IFNAR2: variants seen among roughly 807,000 people sequenced by gnomAD.
IFNAR2 encodes the protein interferon alpha and beta receptor subunit 2.
Under a neutral mutation model 49.4 loss-of-function variants are expected in IFNAR2, and 30 were observed. The observed-to-expected ratio is 0.61, with a 90% CI of 0.45 to 0.82. The LOEUF (loss-of-function observed/expected upper bound fraction) is 0.82. Ranked by LOEUF, IFNAR2 falls within the 40% of genes least tolerant of loss-of-function variation. The pLI is 0.00. For synonymous variants in IFNAR2, 224 were observed against 234.5 expected, an observed-to-expected ratio of 0.96 and a Z score of 0.41; for missense variants, 600 against 622.7, an observed-to-expected ratio of 0.96 and a Z score of 0.39.
rs368509458 is a variant in IFNAR2 at position 33,230,973 on chromosome 21, ACT to A, written c.-84+760_-84+761del. ...TATTTGGTTAGCGATGGTTATATTG[ACT>A]CTGAGTATTCCCACCTCCTTTCTTT... is the stretch of plus-strand genomic sequence containing the variant. On this transcript the variant is annotated intron_variant, in intron 1 of 8. Coordinates refer to ENST00000342136, the MANE Select transcript of IFNAR2 (RefSeq NM_001289125.3). The surrounding 1 kb of genome is among the most constrained non-coding windows in gnomAD (Gnocchi z 5.5). 6.9e-4 allele frequency among the ~76,000 whole-genome samples: 105 copies of A among 151,482 alleles called. No homozygotes were observed. Among genetic ancestry groups the A allele is most frequent in the African/African-American group, 2.3e-3 (96 of 41,252 alleles).
At chr21:33,236,896 T>G (rs776809762) in intron 1 of IFNAR2, 19 of 985,016 alleles carry the variant, frequency 1.9e-5, no homozygotes, top group Non-Finnish European at 2.3e-5. Context: ...GGAAGACTGA[T>G]CTATTTGTAG....
Position 33,246,837 on chromosome 21 carries a change from G to A in IFNAR2, c.341G>A (p.Ser114Asn). ...TATGTCACCGTCCTAGAAGGATTCA[G>A]CGGGAACACAACGTTGTTCAGTTGC... ...EAYVTVLEGF[S>N]GNTTLFSCSH... Residue 114 changes from serine (S) to asparagine (N), a missense_variant, in exon 5 of 9, where the codon AGC becomes AAC. Ser to Asn is a conservative substitution (Grantham distance 46). Transcript: ENST00000342136. 1.9e-6 allele frequency: 3 copies of A among 1,614,246 alleles called. No individual in the cohort carries two copies. The highest frequency in any genetic ancestry group is 1.1e-5 in the South Asian group (1 of 91,090).
intron 1 of IFNAR2, among the ~76,000 whole-genome samples, chr21:33,240,887 G>A (rs775332810): frequency 5.4e-4 from 82 of 151,892 alleles, no homozygotes; most frequent in Non-Finnish European, 9.9e-4. Context: ...TCGTGTTTTT[G>A]CAGCAACATG....
At chr21:33,254,550 A>G (rs9975448) in intron 7 of IFNAR2, among the ~76,000 whole-genome samples, 105,927 of 151,458 alleles carry the variant, frequency 0.7, 37,488 homozygotes, top group African/African-American at 0.77. Flanking sequence ...TTTTAAGTCC[A>G]GTAAGAAACA....
chr21:33,234,911 C>T lies in IFNAR2; in HGVS notation c.-84+4695C>T, dbSNP rs144518641. 2.6e-3 allele frequency: 425 copies of T among 162,730 alleles called. 2 individuals carry two copies. Among genetic ancestry groups the T allele is most frequent in the Middle Eastern group, 0.025 (8 of 314 alleles). 10.1% of individuals were successfully genotyped at this position (162,730 alleles called of 1,614,324 possible). On this transcript the variant is annotated intron_variant, in intron 1 of 8. Transcript: ENST00000342136. ...ATAGGCAGAGCAGCAGCATGGGCTG[C>T]TCCACTAAGTATACTTATGGTTATT...
chr21:33,238,331 C>A (rs142635008), intron 1 of IFNAR2, among the ~76,000 whole-genome samples: 2 of 145,284 alleles, frequency 1.4e-5, no homozygotes, highest in African/African-American at 4.8e-5. Context: ...ATGGTAAATT[C>A]TTCTTACTCC....
At chr21:33,244,170 A>C (rs568600156) in intron 3 of IFNAR2, among the ~76,000 whole-genome samples, 3 of 152,174 alleles carry the variant, frequency 2.0e-5, no homozygotes, top group African/African-American at 7.2e-5. Flanking sequence ...ACCTTGTGCT[A>C]AGTGTTGGTT....
intron 7 of IFNAR2, among the ~76,000 whole-genome samples, chr21:33,257,465 G>A (rs1015330732): frequency 2.6e-5 from 4 of 152,152 alleles, no homozygotes; most frequent in Non-Finnish European, 5.9e-5. Flanking sequence ...GTCCCTTCCC[G>A]TGTTCGTTTC....
chr21:33,248,647 G>T, intron 5 of IFNAR2, 62 bp from the exon 6 acceptor site: 1 of 1,498,110 alleles, frequency 6.7e-7, no homozygotes, highest in South Asian at 1.4e-5. Context: ...AACCACTTTA[G>T]ACTTTGTGGG....
intron 5 of IFNAR2, among the ~76,000 whole-genome samples, chr21:33,248,426 A>G (rs1420009881): frequency 6.6e-6 from 1 of 152,134 alleles, no homozygotes. Flanking sequence ...GAGAAAAGAA[A>G]GAAAGAAATT....
chr21:33,252,530 T>C (rs1987927379), intron 6 of IFNAR2, 132 bp from the exon 7 acceptor site: 4 of 1,448,348 alleles, frequency 2.8e-6, no homozygotes, highest in East Asian at 5.0e-5. Flanking sequence ...AGATGACTTA[T>C]AAATCCTTTT....
At chr21:33,235,137 C>T (rs761795516) in intron 1 of IFNAR2, among the ~76,000 whole-genome samples, 1 of 152,192 alleles carries the variant, frequency 6.6e-6, no homozygotes, top group Non-Finnish European at 1.5e-5. Context: ...ATATGATAAG[C>T]AGTGAGGACA....
chr21:33,254,723 C>CA (rs1378483808), intron 7 of IFNAR2, among the ~76,000 whole-genome samples: 1 of 152,156 alleles, frequency 6.6e-6, no homozygotes, highest in Non-Finnish European at 1.5e-5. Flanking sequence ...GAAGCCCCCC[C>CA]ACTTCGAATT....
chr21:33,244,833 T>G (rs1987266722), intron 3 of IFNAR2, 118 bp from the exon 4 acceptor site: 2 of 886,124 alleles, frequency 2.3e-6, no homozygotes, highest in Admixed American at 2.1e-5. Context: ...ACACCAGGGC[T>G]CTCTGGAGAG....
chr21:33,252,671 G>T lies in IFNAR2; in HGVS notation c.550G>T (p.Glu184Ter). 6 of 1,612,978 alleles carry T rather than the reference G, an allele frequency of 3.7e-6. No individual in the cohort carries two copies. Among genetic ancestry groups the T allele is most frequent in the Non-Finnish European group, 5.1e-6 (6 of 1,179,660 alleles). Residue 184 changes from glutamate (E) to a stop codon, truncating the protein, a stop_gained, in exon 7 of 9, where the codon GAA (glutamate) becomes TAA (stop). Coordinates refer to ENST00000342136, the MANE Select transcript of IFNAR2 (RefSeq NM_001289125.3). LOFTEE classifies it high-confidence loss of function. ...SEGIVKKHKP[E>*]IKGNMSGNFT... ...TTGCTTATGTTTACAGCATAAACCC[G>T]AAATAAAAGGAAACATGAGTGGAAA... is the stretch of plus-strand genomic sequence containing the variant.
Position 33,230,518 on chromosome 21 carries a change from C to T in IFNAR2, c.-84+302C>T. 2 of 470,834 alleles carry T rather than the reference C, an allele frequency of 4.2e-6. 1 individual carries two copies. The highest frequency in any genetic ancestry group is 3.1e-5 in the South Asian group (2 of 64,502). The allele number at this position is 470,834 out of a possible 1,614,324, so 29.2% of individuals were successfully genotyped here. A position where few individuals can be genotyped will look rare whatever the true frequency, so the allele number is the denominator to read the frequency against. On this transcript the variant is annotated intron_variant, in intron 1 of 8. Coordinates refer to ENST00000342136, the MANE Select transcript of IFNAR2 (RefSeq NM_001289125.3). This position sits in a 1 kb window ranked among gnomAD's most constrained non-coding sequence, Gnocchi z 5.5. ...CCCTCCGCGTCCCACCCCACCCCAC[C>T]AAGGATGCCCAGGATACCGGGCATT...
chr21:33,248,810 T>C lies in IFNAR2; in HGVS notation c.496T>C (p.Leu166=). The stretch of plus-strand genomic sequence containing the variant: ...TGTTGAGGAAGAATTACAGTTTGAT[T>C]TATCTCTCGTCATTGAAGAACAGTC... ...SIVEEELQFD[L]SLVIEEQSEG... The change falls in exon 6 of 9, where the codon TTA becomes CTA. Residue 166 remains leucine (L), a synonymous_variant. Coordinates refer to ENST00000342136, the MANE Select transcript of IFNAR2 (RefSeq NM_001289125.3). 6.2e-7 allele frequency: 1 copy of C among 1,610,168 alleles called. No homozygotes were observed. The highest frequency in any genetic ancestry group is 1.1e-5 in the South Asian group (1 of 90,374).
At chr21:33,236,651 A>T (rs894758014) in intron 1 of IFNAR2, 116 of 981,666 alleles carry the variant, frequency 1.2e-4, no homozygotes, top group Non-Finnish European at 1.3e-4. Flanking sequence ...GTTGTTAGGC[A>T]TAGAGATTGA....
chr21:33,250,767 G>A (rs369097830), intron 6 of IFNAR2, among the ~76,000 whole-genome samples: 4 of 152,172 alleles, frequency 2.6e-5, no homozygotes, highest in African/African-American at 9.7e-5. Context: ...TTGAACTCCT[G>A]ACCTCAGGCG....
Sources: allele counts gnomAD v4.1 joint callset (sites outside exome capture counted in the v4.1 genomes callset), GRCh38; gene constraint gnomAD v4.1.1; non-coding constraint Gnocchi (gnomAD v3.1); transcripts MANE v1.5; gene names NCBI Gene and HGNC (gene_info 2026-07-23, HGNC 2026-07-21).